Variants in LCLAT1 observed in about 807,000 individuals in gnomAD.
LCLAT1 encodes lysocardiolipin acyltransferase 1, also known as 1-AGP acyltransferase 8.
LCLAT1 carries 11 observed loss-of-function variants against 30.7 expected under a neutral mutation model. The observed-to-expected ratio is 0.36, with a 90% CI of 0.23 to 0.59. The LOEUF (loss-of-function observed/expected upper bound fraction) is 0.59, where lower values mean the gene tolerates loss of function less well. LCLAT1 is among the 20% of genes least tolerant of loss of function. The pLI is 0.77. For synonymous variants in LCLAT1, 155 were observed against 151.3 expected (o/e 1.02, Z -0.18); for missense variants, 402 against 458.6 (o/e 0.88, Z 1.13).
At chr2:30,638,696 T>C (rs78615483) in intron 5 of LCLAT1, among the ~76,000 whole-genome samples, 5 of 152,218 alleles carry the variant, frequency 3.3e-5, no homozygotes, top group Non-Finnish European at 7.4e-5. Flanking sequence ...TCCACCTACA[T>C]TTCTAATCTC....
intron 1 of LCLAT1, among the ~76,000 whole-genome samples, chr2:30,508,589 C>G (rs1558484373): frequency 1.3e-5 from 2 of 152,218 alleles, no homozygotes; most frequent in East Asian, 1.9e-4. Flanking sequence ...TCTGGGTTCT[C>G]TATTCTGTTC....
At chr2:30,541,588 T>G (rs1017107456) in intron 3 of LCLAT1, among the ~76,000 whole-genome samples, 1 of 152,246 alleles carries the variant, frequency 6.6e-6, no homozygotes, top group Admixed American at 6.5e-5. Context: ...AGACTTTCTG[T>G]TCTCTTCTGT....
intron 1 of LCLAT1, among the ~76,000 whole-genome samples, chr2:30,491,954 G>A (rs749271711): frequency 1.3e-5 from 2 of 152,182 alleles, no homozygotes; most frequent in Non-Finnish European, 2.9e-5. Flanking sequence ...AAGATAAAAT[G>A]TGTGTTTTAA....
chr2:30,455,934 A>G, intron 1 of LCLAT1, among the ~76,000 whole-genome samples: 1 of 151,250 alleles, frequency 6.6e-6, no homozygotes, highest in Non-Finnish European at 1.5e-5. Flanking sequence ...AAAAAAAAAA[A>G]AAATTGGAAG....
rs1669303404 is a variant in LCLAT1 at position 30,641,487 on chromosome 2, C to T, written c.*868C>T. 1 of 152,134 alleles carries T rather than the reference C, an allele frequency of 6.6e-6. No homozygotes were observed. The highest frequency in any genetic ancestry group is 2.4e-5 in the African/African-American group (1 of 41,424). The allele number at this position is 152,134 out of a possible 1,614,324, so 9.4% of individuals were successfully genotyped here. ...AACATTCTGTCATTCCAGTCAGAAA[C>T]TGTCTTTTGAAATATTTCTTTACAA... On this transcript the variant is annotated 3_prime_UTR_variant, in exon 6 of 6. Transcript: ENST00000379509.
chr2:30,527,950 C>G (rs1212630628), intron 2 of LCLAT1, among the ~76,000 whole-genome samples: 1 of 152,118 alleles, frequency 6.6e-6, no homozygotes, highest in Non-Finnish European at 1.5e-5. Context: ...TGGCAAGGTC[C>G]CTACGGTCCC....
chr2:30,589,960 CTTCTGTATGGCATTT>C (rs1249908107), intron 5 of LCLAT1, among the ~76,000 whole-genome samples: 1 of 152,088 alleles, frequency 6.6e-6, no homozygotes, highest in East Asian at 1.9e-4. Flanking sequence ...GTTTTTCTTC[CTTCTGTATGGCATTT>C]TAAATTCTAT....
At chr2:30,559,975 C>G (rs1025170574) in intron 3 of LCLAT1, among the ~76,000 whole-genome samples, 1 of 152,100 alleles carries the variant, frequency 6.6e-6, no homozygotes, top group African/African-American at 2.4e-5. Flanking sequence ...GATACTGTTG[C>G]ATTGTGCTCA....
At chr2:30,605,434 C>G (rs1401900028) in intron 5 of LCLAT1, among the ~76,000 whole-genome samples, 1 of 152,178 alleles carries the variant, frequency 6.6e-6, no homozygotes, top group African/African-American at 2.4e-5. Context: ...ATGCAGGACA[C>G]TGTATGCAGA....
chr2:30,509,905 T>G (rs1684856258), intron 1 of LCLAT1, among the ~76,000 whole-genome samples: 3 of 152,166 alleles, frequency 2.0e-5, no homozygotes, highest in African/African-American at 7.2e-5. Flanking sequence ...TGTCATCAGC[T>G]GATGTGGAAG....
At chr2:30,485,556 T>A (rs555146872) in intron 1 of LCLAT1, among the ~76,000 whole-genome samples, 92 of 152,198 alleles carry the variant, frequency 6.0e-4, no homozygotes, top group Non-Finnish European at 1.1e-3. Flanking sequence ...CTCTTAAGTG[T>A]TCTTTTTGTT....
At chr2:30,455,909 C>CAA (rs3060184) in intron 1 of LCLAT1, among the ~76,000 whole-genome samples, 7,691 of 60,976 alleles carry the variant, frequency 0.13, 442 homozygotes, top group Admixed American at 0.15. Flanking sequence ...GACCCTATAT[C>CAA]AAAAAAAAAA....
chr2:30,514,528 T>C (rs1272603479), intron 1 of LCLAT1, among the ~76,000 whole-genome samples: 1 of 152,236 alleles, frequency 6.6e-6, no homozygotes, highest in Non-Finnish European at 1.5e-5. Context: ...TCTCTAGATG[T>C]TAAATATGTA....
At chr2:30,460,092 T>C (rs1682037645) in intron 1 of LCLAT1, among the ~76,000 whole-genome samples, 1 of 152,226 alleles carries the variant, frequency 6.6e-6, no homozygotes, top group Non-Finnish European at 1.5e-5. Context: ...TGCAGTAACT[T>C]GCTTTTGTTT....
At chr2:30,535,591 T>G (rs1334689989) in intron 3 of LCLAT1, among the ~76,000 whole-genome samples, 1 of 152,250 alleles carries the variant, frequency 6.6e-6, no homozygotes, top group African/African-American at 2.4e-5. Flanking sequence ...TCTATATTAC[T>G]GTTCTTACAT....
At chr2:30,535,308 C>T (rs1446068348) in intron 3 of LCLAT1, among the ~76,000 whole-genome samples, 1 of 152,158 alleles carries the variant, frequency 6.6e-6, no homozygotes, top group African/African-American at 2.4e-5. Flanking sequence ...TTCTGCCCTC[C>T]TGTCTTTATG....
rs1390650630 is a variant in LCLAT1, at chr2:30,568,110, A to T, written c.562A>T (p.Lys188Ter). 3 of 1,610,208 alleles carry T rather than the reference A, an allele frequency of 1.9e-6. No individual in the cohort carries two copies. The South Asian group carries it at 3.3e-5, about 18-fold the overall frequency. Residue 188 changes from lysine to a stop codon, truncating the protein, a stop_gained, in exon 5 of 6, where the codon AAA (lysine) becomes TAA (stop). Coordinates refer to ENST00000379509, the MANE Select transcript of LCLAT1 (RefSeq NM_001002257.3). LOFTEE classifies it high-confidence loss of function. Reference sequence around the variant, plus strand: ...ATTTGCTGAAAAAAATGGACTTCAGAAATATGAATATGTTTTACATCCAAG... The same window carrying T: ...ATTTGCTGAAAAAAATGGACTTCAGTAATATGAATATGTTTTACATCCAAG... ...NAFAEKNGLQKYEYVLHPRTT... is the reference protein window; with the variant it reads ...NAFAEKNGLQ
intron 5 of LCLAT1, among the ~76,000 whole-genome samples, chr2:30,629,649 A>T (rs1320555199): frequency 6.6e-6 from 1 of 152,240 alleles, no homozygotes; most frequent in African/African-American, 2.4e-5. Flanking sequence ...AAGCACTGTT[A>T]TACATTTTTG....
intron 5 of LCLAT1, among the ~76,000 whole-genome samples, chr2:30,574,597 C>G (rs901391389): frequency 1.3e-5 from 2 of 152,156 alleles, no homozygotes; most frequent in African/African-American, 4.8e-5. Flanking sequence ...CATAAAAGCT[C>G]AAAACACTCA....
Sources: allele counts gnomAD v4.1 joint callset (sites outside exome capture counted in the v4.1 genomes callset), GRCh38; gene constraint gnomAD v4.1.1; transcripts MANE v1.5; gene names NCBI Gene and HGNC (gene_info 2026-07-23, HGNC 2026-07-21).